The following TRPM1 variants were observed in gnomAD, a reference collection of about 807,000 sequenced individuals.
TRPM1 encodes transient receptor potential cation channel subfamily M member 1.
TRPM1 carries 113 observed loss-of-function variants against 149.4 expected under a neutral mutation model. That is an observed-to-expected ratio of 0.76 (90% CI 0.65 to 0.88). The LOEUF is 0.88. TRPM1 is among the 40% of genes least tolerant of loss of function. TRPM1 has a pLI of 0.00. For missense variants in TRPM1, 1,976 were observed against 2,038.7 expected (o/e 0.97, Z 0.59); for synonymous variants, 741 against 759.5 (o/e 0.98, Z 0.40).
chr15:31,022,644 T>C (rs2032587636), intron 27 of TRPM1, among the ~76,000 whole-genome samples: 1 of 152,232 alleles, frequency 6.6e-6, no homozygotes, highest in African/African-American at 2.4e-5. Flanking sequence ...GTAAAACCAG[T>C]GTCTTGAACC....
At chr15:31,098,502 G>C (rs1250661053) in intron 1 of TRPM1, among the ~76,000 whole-genome samples, 1 of 152,190 alleles carries the variant, frequency 6.6e-6, no homozygotes, top group Non-Finnish European at 1.5e-5. Flanking sequence ...TAGGGATCAG[G>C]AGGAGTGTGT....
chr15:31,047,126 C>A lies in TRPM1; in HGVS notation c.1749G>T (p.Leu583Phe). 1 of 1,614,224 alleles carries A rather than the reference C, an allele frequency of 6.2e-7. No individual in the cohort carries two copies. The highest frequency in any genetic ancestry group is 2.2e-5 in the East Asian group (1 of 44,884). The part of the protein sequence containing the change: ...RKNFRTLYNN[L>F]FGPKRPKALK... ...TGAGTTCTACCCTCTTTGGTCCAAA[C>A]AAGTTGTTGTAAAGGGTCCGAAAGT... The change falls in exon 15 of 28, where the codon TTG becomes TTT. Residue 583 changes from leucine to phenylalanine, a missense_variant. By Grantham distance (22) the Leu-to-Phe change is conservative. Transcript: ENST00000256552.
intron 1 of TRPM1, among the ~76,000 whole-genome samples, chr15:31,099,386 TAC>T (rs1162637345): frequency 6.6e-6 from 1 of 151,858 alleles, no homozygotes; most frequent in Non-Finnish European, 1.5e-5. Context: ...GTCCAGCATT[TAC>T]ACACACACAC....
At chr15:31,100,806 C>A (rs1006413848) in intron 1 of TRPM1, among the ~76,000 whole-genome samples, 3 of 152,190 alleles carry the variant, frequency 2.0e-5, no homozygotes, top group Admixed American at 6.5e-5. Context: ...TATGGACAGA[C>A]CATGATTGAT....
intron 11 of TRPM1, among the ~76,000 whole-genome samples, chr15:31,057,599 T>A (rs1399930463): frequency 6.6e-6 from 1 of 152,242 alleles, no homozygotes; most frequent in African/African-American, 2.4e-5. Context: ...ATGGCATTTT[T>A]AAGGTAATAT....
rs2036061527 is a variant in TRPM1 at position 31,134,407 on chromosome 15, GA to G, written c.54+26498del. Among the ~76,000 whole-genome samples, 3 of 152,258 alleles carry G rather than the reference GA, an allele frequency of 2.0e-5. No individual in the cohort carries two copies. The South Asian group carries it at 6.2e-4, about 32-fold the overall frequency. On this transcript the variant is annotated intron_variant, in intron 1 of 26. Transcript: ENST00000542188. ...AAACTGCAGGCACAGGGAAAGCTTT[GA>G]AAAACACCATAGAAGTTACCCTTTT...
rs763980852 is a variant in TRPM1 at position 31,069,420 on chromosome 15, A to G, written c.279+611T>C. On this transcript the variant is annotated intron_variant, in intron 4 of 27. Transcript: ENST00000256552. ...AACACAGCTAAATTTTATTTTAACA[A>G]TGATGTTGGGCCAGTGAAATAAAAT... The G allele has an allele frequency of 1.4e-5, 14 of 1,000,100 alleles. No individual in the cohort carries two copies. The South Asian group carries it at 3.2e-4, about 23-fold the overall frequency. The allele number at this position is 1,000,100 out of a possible 1,614,324, so 62.0% of individuals were successfully genotyped here.
In TRPM1 at chr15:31,060,380, G is replaced by A. The variant is rs2034194255; in HGVS notation, c.1263+164C>T. On this transcript the variant is annotated intron_variant, in intron 11 of 27. Transcript: ENST00000256552. ...TGGAATTACTTCTTGTTGGTTCTTT[G>A]AAGTTAAACAGTGACATCTTCTAAT... The A allele has an allele frequency of 2.2e-5, 15 of 680,098 alleles. No individual in the cohort carries two copies. The East Asian group carries it at 3.5e-4, about 16-fold the overall frequency. 42.1% of individuals were successfully genotyped at this position (680,098 alleles called of 1,614,324 possible). A position where few individuals can be genotyped will look rare whatever the true frequency, so the allele number is the denominator to read the frequency against.
At chr15:31,152,061 A>G (rs958312179) in intron 1 of TRPM1, among the ~76,000 whole-genome samples, 1 of 152,136 alleles carries the variant, frequency 6.6e-6, no homozygotes, top group Non-Finnish European at 1.5e-5. Context: ...CTGCTGTCAC[A>G]TGGCTGAATG....
intron 1 of TRPM1, among the ~76,000 whole-genome samples, chr15:31,157,272 G>A (rs2036390252): frequency 6.6e-6 from 1 of 152,124 alleles, no homozygotes; most frequent in Non-Finnish European, 1.5e-5. Context: ...GATACAGGTG[G>A]CTTGGTTCAT....
At chr15:31,149,556 T>G (rs530898598) in intron 1 of TRPM1, among the ~76,000 whole-genome samples, 23 of 150,174 alleles carry the variant, frequency 1.5e-4, no homozygotes, top group South Asian at 4.3e-4. Flanking sequence ...GACGGAGTCT[T>G]TCGCCCAGGC....
chr15:31,033,353 T>G (rs1825971587), intron 21 of TRPM1, among the ~76,000 whole-genome samples: 1 of 152,196 alleles, frequency 6.6e-6, no homozygotes, highest in South Asian at 2.1e-4. Flanking sequence ...AGAATACCAC[T>G]AGGAAATGTT....
intron 8 of TRPM1, 25 bp from the exon 9 acceptor site, chr15:31,062,727 C>A (rs1465846320): frequency 2.5e-6 from 4 of 1,612,518 alleles, no homozygotes; most frequent in Non-Finnish European, 2.5e-6. Flanking sequence ...TGCAAGAGAA[C>A]AAAACAAGGC....
intron 13 of TRPM1, among the ~76,000 whole-genome samples, chr15:31,048,640 T>C (rs1288367841): frequency 1.3e-5 from 2 of 152,002 alleles, no homozygotes; most frequent in African/African-American, 4.8e-5. Flanking sequence ...GTCGAAACCC[T>C]GTCTCTACAA....
chr15:31,066,173 G>A lies in TRPM1; in HGVS notation c.693C>T (p.Phe231=). ...LSVLNNSHTH[F]ILADNGTLGK... ...CCAGGGTGCCATTGTCAGCCAGGAT[G>A]AAGTGGGTGTGGGAGTTGTTGAGCA... The change falls in exon 7 of 28, where the codon TTC becomes TTT. Residue 231 remains phenylalanine (F), a synonymous_variant. Transcript: ENST00000256552. The A allele has an allele frequency of 6.2e-7, 1 of 1,614,220 alleles. No individual in the cohort carries two copies. Among genetic ancestry groups the A allele is most frequent in the Non-Finnish European group, 8.5e-7 (1 of 1,180,038 alleles).
upstream of TRPM1, among the ~76,000 whole-genome samples, chr15:31,102,821 G>A (rs909513272): frequency 2.6e-4 from 39 of 152,220 alleles, no homozygotes; most frequent in Non-Finnish European, 4.9e-4. Flanking sequence ...TGGCTCCCAC[G>A]TGCTTTGCTG....
intron 1 of TRPM1, among the ~76,000 whole-genome samples, chr15:31,121,907 G>A (rs935219393): frequency 6.6e-6 from 1 of 152,164 alleles, no homozygotes. Context: ...GAACATAAAT[G>A]CAAAAATTCC....
intron 22 of TRPM1, among the ~76,000 whole-genome samples, chr15:31,032,328 G>A (rs2113945): frequency 0.32 from 48,181 of 151,832 alleles, 9,243 homozygotes; most frequent in African/African-American, 0.54. Flanking sequence ...CTACAGTTGA[G>A]ATATGGTATG....
At chr15:31,119,592 AG>A (rs2035849567) in intron 1 of TRPM1, among the ~76,000 whole-genome samples, 1 of 152,202 alleles carries the variant, frequency 6.6e-6, no homozygotes, top group South Asian at 2.1e-4. Context: ...AAATAAATAA[AG>A]GTAAAGTAAA....
Sources: allele counts gnomAD v4.1 joint callset (sites outside exome capture counted in the v4.1 genomes callset), GRCh38; gene constraint gnomAD v4.1.1; transcripts MANE v1.5; gene names NCBI Gene and HGNC (gene_info 2026-07-23, HGNC 2026-07-21).